CERS3: variants seen among roughly 807,000 people sequenced by gnomAD.
CERS3 encodes ceramide synthase 3.
Under a neutral mutation model 50.3 loss-of-function variants are expected in CERS3, and 33 were observed. The observed-to-expected ratio is 0.66, with a 90% CI of 0.50 to 0.88. The LOEUF is 0.88. CERS3 is among the 40% of genes least tolerant of loss of function. The pLI, the probability that CERS3 is intolerant of heterozygous loss-of-function variation, is 0.00. For missense variants in CERS3, 470 were observed against 460.3 expected, an observed-to-expected ratio of 1.02 and a Z score of -0.19; for synonymous variants, 176 against 155.2, an observed-to-expected ratio of 1.13 and a Z score of -0.99.
At chr15:100,541,804 A>T (rs1051828075) in intron 1 of CERS3, among the ~76,000 whole-genome samples, 2 of 152,242 alleles carry the variant, frequency 1.3e-5, no homozygotes, top group Admixed American at 6.5e-5. Flanking sequence ...TAGATAAATA[A>T]ATTATAACGT....
At chr15:100,427,972 C>T (rs1487111559) in intron 11 of CERS3, among the ~76,000 whole-genome samples, 1 of 152,158 alleles carries the variant, frequency 6.6e-6, no homozygotes, top group African/African-American at 2.4e-5. Context: ...GAATGAGGAA[C>T]CACTGTTTGG....
chr15:100,405,249 CAA>C (rs945329307), intron 11 of CERS3, among the ~76,000 whole-genome samples: 1 of 39,162 alleles, frequency 2.6e-5, no homozygotes, highest in Non-Finnish European at 6.1e-5. Flanking sequence ...AAAAAAAAAA[CAA>C]AAAAAAACCC....
intron 1 of CERS3, among the ~76,000 whole-genome samples, chr15:100,539,852 T>A (rs2037157697): frequency 6.6e-6 from 1 of 152,162 alleles, no homozygotes; most frequent in Non-Finnish European, 1.5e-5. Context: ...CCAGGAGAGC[T>A]GGCCATCAGT....
chr15:100,490,652 T>C, intron 4 of CERS3, 165 bp downstream of exon 4: 1 of 566,192 alleles, frequency 1.8e-6, no homozygotes, highest in Non-Finnish European at 3.1e-6. Flanking sequence ...ACACTTGGGA[T>C]GTTCTAAACC....
In CERS3 at chr15:100,481,029, T is replaced by C. The variant is rs180749997; in HGVS notation, c.408-983A>G. On this transcript the variant is annotated intron_variant, in intron 5 of 11. Coordinates refer to ENST00000679737, the MANE Select transcript of CERS3 (RefSeq NM_001378789.1). ...TATGTCTATTTTATCTAATGATTGC[T>C]GGAGAAATAATAATATTAAAATAAG... Among the ~76,000 whole-genome samples, 1,011 of 152,350 alleles carry C rather than the reference T, an allele frequency of 6.6e-3. 7 individuals carry two copies. Among genetic ancestry groups the C allele is most frequent in the Non-Finnish European group, 9.3e-3 (630 of 68,024 alleles).
rs900533042 is a variant in CERS3, at chr15:100,456,056, C to G, written c.846-10G>C. 7 of 1,587,130 alleles carry G rather than the reference C, an allele frequency of 4.4e-6. No individual in the cohort carries two copies. The highest frequency in any genetic ancestry group is 6.0e-6 in the Non-Finnish European group (7 of 1,168,110). ...CGTGCAATATAAAATCCTGAAACAC[C>G]AAACAGTTGAGAGAATTTCATTACA... On this transcript the variant is annotated splice_polypyrimidine_tract_variant and intron_variant, in intron 10 of 11. Transcript: ENST00000679737.
At chr15:100,416,645 G>A (rs762229512) in intron 11 of CERS3, among the ~76,000 whole-genome samples, 1 of 152,152 alleles carries the variant, frequency 6.6e-6, no homozygotes, top group Non-Finnish European at 1.5e-5. Context: ...GAGCAATAAA[G>A]GAGGAAGAGC....
intron 10 of CERS3, among the ~76,000 whole-genome samples, chr15:100,460,057 A>T (rs972219369): frequency 2.6e-5 from 4 of 152,084 alleles, no homozygotes; most frequent in African/African-American, 9.7e-5. Flanking sequence ...ACAGTCCAGT[A>T]TTTTCTTTCA....
Position 100,469,426 on chromosome 15 carries a change from A to G in CERS3, c.797T>C (p.Ile266Thr), listed in dbSNP as rs758743159. Residue 266 changes from isoleucine (I) to threonine (T), a missense_variant, in exon 10 of 12, where the codon ATC becomes ACC. Transcript: ENST00000679737. ...GCTGATGAAAAATATGGTGGAGAAGATGAAAAACAGGGTGTTACAGGTCTG... is the reference window on the plus strand; with the variant it reads ...GCTGATGAAAAATATGGTGGAGAAGGTGAAAAACAGGGTGTTACAGGTCTG... ...WTQTCNTLFFIFSTIFFISRL... is the reference protein window; with the variant it reads ...WTQTCNTLFFTFSTIFFISRL... 18 of 1,614,118 alleles carry G rather than the reference A, an allele frequency of 1.1e-5. No homozygotes were observed. The highest frequency in any genetic ancestry group is 1.4e-5 in the Non-Finnish European group (17 of 1,179,966).
intron 2 of CERS3, among the ~76,000 whole-genome samples, chr15:100,513,426 GC>G (rs1294370099): frequency 6.6e-6 from 1 of 152,082 alleles, no homozygotes; most frequent in Non-Finnish European, 1.5e-5. Context: ...TTGGACCCCT[GC>G]CTACTTTTCC....
intron 1 of CERS3, among the ~76,000 whole-genome samples, chr15:100,526,362 CTG>C: frequency 6.6e-6 from 1 of 152,202 alleles, no homozygotes; most frequent in Non-Finnish European, 1.5e-5. Context: ...ACTCCGTGCT[CTG>C]TGAGCGGAGG....
chr15:100,476,015 T>G, intron 8 of CERS3, 71 bp downstream of exon 8: 1 of 960,952 alleles, frequency 1.0e-6, no homozygotes, highest in East Asian at 2.8e-5. Flanking sequence ...ACTTAAAGAT[T>G]AGAATTTGGG....
At chr15:100,423,202 C>T (rs1178873722) in intron 11 of CERS3, among the ~76,000 whole-genome samples, 1 of 152,002 alleles carries the variant, frequency 6.6e-6, no homozygotes, top group African/African-American at 2.4e-5. Context: ...CTGTGGAAAG[C>T]ATTTTGGAGA....
chr15:100,406,103 G>C (rs1379726942), intron 11 of CERS3, among the ~76,000 whole-genome samples: 1 of 152,224 alleles, frequency 6.6e-6, no homozygotes. Flanking sequence ...CCGAGGAAAG[G>C]AGATGGAGGT....
chr15:100,443,454 T>C (rs1377051247), intron 11 of CERS3, among the ~76,000 whole-genome samples: 2 of 149,376 alleles, frequency 1.3e-5, no homozygotes, highest in East Asian at 3.9e-4. Flanking sequence ...CACATTGTTT[T>C]GCCTATCCAC....
rs145494973 is a variant in CERS3, at chr15:100,456,181, A to T, written c.846-135T>A. On this transcript the variant is annotated intron_variant, in intron 10 of 11. Coordinates refer to ENST00000679737, the MANE Select transcript of CERS3 (RefSeq NM_001378789.1). Reference sequence around the variant, plus strand: ...ATAAAGCCCAGAAAATTATCAAAAGAAAAGATACGATAATATTATCTTAAA... The same window carrying T: ...ATAAAGCCCAGAAAATTATCAAAAGTAAAGATACGATAATATTATCTTAAA... 3.1e-4 allele frequency: 166 copies of T among 533,824 alleles called. 1 individual carries two copies. Among genetic ancestry groups the T allele is most frequent in the African/African-American group, 2.9e-3 (146 of 51,190 alleles). 33.1% of individuals were successfully genotyped at this position (533,824 alleles called of 1,614,324 possible).
chr15:100,402,499 C>T lies in CERS3; in HGVS notation c.*214G>A. On this transcript the variant is annotated 3_prime_UTR_variant, in exon 12 of 12. Transcript: ENST00000679737. Reference sequence around the variant, plus strand: ...GAAATCTTTGAAATCTTTGACCAGTCTGAGTCCTAACTGCAGTAAAAATCC... The same window carrying T: ...GAAATCTTTGAAATCTTTGACCAGTTTGAGTCCTAACTGCAGTAAAAATCC... The T allele has an allele frequency of 1.8e-6, 1 of 551,906 alleles. No individual in the cohort carries two copies. Among genetic ancestry groups the T allele is most frequent in the Non-Finnish European group, 3.2e-6 (1 of 312,096 alleles). 34.2% of individuals were successfully genotyped at this position (551,906 alleles called of 1,614,324 possible).
At chr15:100,539,022 C>T (rs1301203322) in intron 1 of CERS3, among the ~76,000 whole-genome samples, 2 of 152,184 alleles carry the variant, frequency 1.3e-5, no homozygotes, top group Non-Finnish European at 2.9e-5. Context: ...TAAATCATCT[C>T]TCTCAAGTTC....
chr15:100,469,402 C>T lies in CERS3; in HGVS notation c.821G>A (p.Ser274Asn). Residue 274 changes from serine (S) to asparagine (N), a missense_variant, in exon 10 of 12, where the codon AGC (serine) becomes AAC (asparagine). Physicochemically the swap from Ser to Asn is conservative, Grantham distance 46. Coordinates refer to ENST00000679737, the MANE Select transcript of CERS3 (RefSeq NM_001378789.1). Reference sequence around the variant, plus strand: ...CCAGAAAGGAAAAACAATGAGGCGGCTGATGAAAAATATGGTGGAGAAGAT... The same window carrying T: ...CCAGAAAGGAAAAACAATGAGGCGGTTGATGAAAAATATGGTGGAGAAGAT... Reference protein sequence around the residue: ...FFIFSTIFFISRLIVFPFWIL... With the variant: ...FFIFSTIFFINRLIVFPFWIL... The T allele has an allele frequency of 6.2e-7, 1 of 1,613,832 alleles. No individual in the cohort carries two copies. Among genetic ancestry groups the T allele is most frequent in the East Asian group, 2.2e-5 (1 of 44,872 alleles).
Sources: allele counts gnomAD v4.1 joint callset (sites outside exome capture counted in the v4.1 genomes callset), GRCh38; gene constraint gnomAD v4.1.1; transcripts MANE v1.5; gene names NCBI Gene and HGNC (gene_info 2026-07-23, HGNC 2026-07-21).